The following KCNC1 variants were observed in gnomAD, a reference collection of about 807,000 sequenced individuals.
The protein encoded by KCNC1 is potassium voltage-gated channel subfamily C member 1, also known as voltage-gated potassium channel KCNC1.
In KCNC1, 8 loss-of-function variants were observed where a neutral mutation model predicts 43.4. That is an observed-to-expected ratio of 0.18 (90% CI 0.11 to 0.33). The LOEUF (loss-of-function observed/expected upper bound fraction) is 0.33, where lower values mean the gene tolerates loss of function less well. KCNC1 is among the 10% of genes least tolerant of loss of function. KCNC1 has a pLI of 1.00. For synonymous variants in KCNC1, 361 were observed against 360.5 expected, an observed-to-expected ratio of 1.00 and a Z score of -0.01; for missense variants, 420 against 836.0, an observed-to-expected ratio of 0.50 and a Z score of 6.14.
Position 17,777,139 on chromosome 11 carries a change from C to T in KCNC1, c.1505-2317C>T, listed in dbSNP as rs2133808888. The T allele has an allele frequency of 2.0e-6, 2 of 984,644 alleles. No individual in the cohort carries two copies. Among genetic ancestry groups the T allele is most frequent in the Non-Finnish European group, 2.4e-6 (2 of 829,648 alleles). The allele number at this position is 984,644 out of a possible 1,614,324, so 61.0% of individuals were successfully genotyped here. The stretch of plus-strand genomic sequence containing the variant: ...TTAGTGATTGTGAGAGCTGGGAGCC[C>T]CCAGGGCCTGGGGGCTTGTGGACAG... On this transcript the variant is annotated intron_variant, in intron 2 of 3. Coordinates refer to ENST00000265969, the MANE Select transcript of KCNC1 (RefSeq NM_001112741.2). The surrounding 1 kb of genome is among the most constrained non-coding windows in gnomAD (Gnocchi z 4.3).
At chr11:17,759,833 T>A (rs1849058589) in intron 1 of KCNC1, among the ~76,000 whole-genome samples, 1 of 152,096 alleles carries the variant, frequency 6.6e-6, no homozygotes, top group African/African-American at 2.4e-5. Context: ...TAATGACAAT[T>A]TGAAATATTG....
rs1350822011 is a variant in KCNC1, at chr11:17,771,958, C to T, written c.864C>T (p.Pro288=). ...TCATTGACTTTGTGGCCATCCTGCCCTTCTACCTGGAGGTGGGGCTGAGCG... is the reference window on the plus strand; with the variant it reads ...TCATTGACTTTGTGGCCATCCTGCCTTTCTACCTGGAGGTGGGGCTGAGCG... ...LNIIDFVAIL[P]FYLEVGLSGL... Residue 288 remains proline, a synonymous_variant, in exon 2 of 4, where the codon CCC becomes CCT. Transcript: ENST00000265969. This position sits in a 1 kb window ranked among gnomAD's most constrained non-coding sequence, Gnocchi z 4.7. 1 of 1,614,244 alleles carries T rather than the reference C, an allele frequency of 6.2e-7. No individual in the cohort carries two copies. The highest frequency in any genetic ancestry group is 1.7e-5 in the Admixed American group (1 of 60,034).
At chr11:17,749,058 C>T (rs892623801) in intron 1 of KCNC1, among the ~76,000 whole-genome samples, 9 of 152,266 alleles carry the variant, frequency 5.9e-5, no homozygotes, top group Middle Eastern at 3.4e-3. Flanking sequence ...GCAGGTGTGC[C>T]GGGAGAAGAT....
rs1849222529 is a variant in KCNC1, at chr11:17,771,211, C to G, written c.571-454C>G. Among the ~76,000 whole-genome samples the G allele has an allele frequency of 1.3e-5, 2 of 150,642 alleles. No homozygotes were observed. Among genetic ancestry groups the G allele is most frequent in the Non-Finnish European group, 3.0e-5 (2 of 67,716 alleles). ...GGGCTTCATTCCACTCTAGCTGCCC[C>G]CTCTTATTTCTTTGCAAACTTCAGC... On this transcript the variant is annotated intron_variant, in intron 1 of 3. Coordinates refer to ENST00000265969, the MANE Select transcript of KCNC1 (RefSeq NM_001112741.2). The surrounding 1 kb of genome is among the most constrained non-coding windows in gnomAD (Gnocchi z 4.7).
chr11:17,780,014 C>A, intron 3 of KCNC1: 1 of 176,226 alleles, frequency 5.7e-6, no homozygotes, highest in Non-Finnish European at 1.2e-5. Flanking sequence ...AGTGATCTCT[C>A]CTCTCCCCTG....
At chr11:17,759,739 G>A (rs530730567) in intron 1 of KCNC1, among the ~76,000 whole-genome samples, 9 of 152,216 alleles carry the variant, frequency 5.9e-5, no homozygotes, top group East Asian at 1.9e-4. Flanking sequence ...CATCTTATAC[G>A]GGTGTGATTT....
chr11:17,775,537 C>G (rs1168076407), intron 2 of KCNC1: 1 of 985,428 alleles, frequency 1.0e-6, no homozygotes, highest in African/African-American at 1.7e-5. Flanking sequence ...CCAGGGATTG[C>G]CTAGGGCTGA....
rs1169987617 is a variant in KCNC1, at chr11:17,777,894, C to T, written c.1505-1562C>T. On this transcript the variant is annotated intron_variant, in intron 2 of 3. Transcript: ENST00000265969. The surrounding 1 kb of genome is among the most constrained non-coding windows in gnomAD (Gnocchi z 4.3). ...CGGTAATCCCACCCACGTGCACGCC[C>T]AGCGTGTGCACGTGGGGAAGGATCA... 7 of 970,548 alleles carry T rather than the reference C, an allele frequency of 7.2e-6. No homozygotes were observed. In the African/African-American group the frequency reaches 1.2e-4, roughly 17 times the overall value. The allele number at this position is 970,548 out of a possible 1,614,324, so 60.1% of individuals were successfully genotyped here.
intron 2 of KCNC1, among the ~76,000 whole-genome samples, chr11:17,778,696 G>A (rs1313261383): frequency 6.6e-6 from 1 of 152,224 alleles, no homozygotes; most frequent in Non-Finnish European, 1.5e-5. Context: ...GTGTGACCAG[G>A]ACTGGTCTGT....
At chr11:17,749,421 G>A (rs1028507271) in intron 1 of KCNC1, among the ~76,000 whole-genome samples, 4 of 152,230 alleles carry the variant, frequency 2.6e-5, no homozygotes, top group Admixed American at 2.6e-4. Context: ...GGGAGGCTTC[G>A]ATGGGGACCC....
At chr11:17,757,821 CA>C (rs1186745103) in intron 1 of KCNC1, among the ~76,000 whole-genome samples, 1 of 152,212 alleles carries the variant, frequency 6.6e-6, no homozygotes, top group East Asian at 1.9e-4. Flanking sequence ...AAAATGCTAA[CA>C]ATCATATGAG....
At chr11:17,758,501 G>C (rs1849044670) in intron 1 of KCNC1, among the ~76,000 whole-genome samples, 2 of 152,184 alleles carry the variant, frequency 1.3e-5, no homozygotes, top group Non-Finnish European at 2.9e-5. Flanking sequence ...ACTTTGCACA[G>C]ATTGATCAGA....
rs1477737767 is a variant in KCNC1, at chr11:17,746,086, G to T, written c.570+9514G>T. Among the ~76,000 whole-genome samples the T allele has an allele frequency of 3.3e-5, 5 of 152,306 alleles. No homozygotes were observed. The East Asian group carries it at 9.7e-4, about 29-fold the overall frequency. ...AAAGAATAAGCAAGTAGGGTTCAAGGCCGAGGGCAGACATGGGCACCGTGC... is the reference window on the plus strand; with the variant it reads ...AAAGAATAAGCAAGTAGGGTTCAAGTCCGAGGGCAGACATGGGCACCGTGC... On this transcript the variant is annotated intron_variant, in intron 1 of 3. Coordinates refer to ENST00000265969, the MANE Select transcript of KCNC1 (RefSeq NM_001112741.2).
chr11:17,735,839 C>T lies in KCNC1; in HGVS notation c.-164C>T, dbSNP rs1251920636. On this transcript the variant is annotated 5_prime_UTR_variant, in exon 1 of 4. Coordinates refer to ENST00000265969, the MANE Select transcript of KCNC1 (RefSeq NM_001112741.2). The surrounding 1 kb of genome is among the most constrained non-coding windows in gnomAD (Gnocchi z 6.7). ...GCACCCGACAAAGCGCCCGGAGAGGCTTGGCTCGCTCGTTGGGGTGGCCAG... is the reference window on the plus strand; with the variant it reads ...GCACCCGACAAAGCGCCCGGAGAGGTTTGGCTCGCTCGTTGGGGTGGCCAG... 8 of 756,910 alleles carry T rather than the reference C, an allele frequency of 1.1e-5. No homozygotes were observed. Among genetic ancestry groups the T allele is most frequent in the African/African-American group, 1.9e-5 (1 of 53,238 alleles). The allele number at this position is 756,910 out of a possible 1,614,324, so 46.9% of individuals were successfully genotyped here. A position where few individuals can be genotyped will look rare whatever the true frequency, so the allele number is the denominator to read the frequency against.
intron 1 of KCNC1, among the ~76,000 whole-genome samples, chr11:17,747,126 TG>T (rs1848909067): frequency 6.6e-6 from 1 of 152,152 alleles, no homozygotes; most frequent in Non-Finnish European, 1.5e-5. Flanking sequence ...TCACCTACCG[TG>T]GTCCCTGGGG....
At chr11:17,754,747 G>T (rs1260184109) in intron 1 of KCNC1, among the ~76,000 whole-genome samples, 2 of 152,194 alleles carry the variant, frequency 1.3e-5, no homozygotes, top group African/African-American at 2.4e-5. Flanking sequence ...TTACATTCTA[G>T]AGGGGGAAGA....
intron 2 of KCNC1, chr11:17,775,239 C>T: frequency 1.0e-6 from 1 of 985,618 alleles, no homozygotes; most frequent in Non-Finnish European, 1.2e-6. Flanking sequence ...CTTTTAAAAC[C>T]AGAGTTAGGG....
intron 1 of KCNC1, among the ~76,000 whole-genome samples, chr11:17,754,915 A>G (rs1426513986): frequency 1.3e-5 from 2 of 152,056 alleles, no homozygotes; most frequent in Admixed American, 1.3e-4. Flanking sequence ...CTAAACCTCA[A>G]TTTTCTTATT....
intron 1 of KCNC1, among the ~76,000 whole-genome samples, chr11:17,766,926 C>G (rs968852410): frequency 6.7e-6 from 1 of 148,884 alleles, no homozygotes; most frequent in African/African-American, 2.5e-5. Context: ...TCAAGACCAG[C>G]CTGACCAACA....
Sources: gnomAD v4.1 joint callset for allele counts (sites outside exome capture counted in the v4.1 genomes callset) on GRCh38, gnomAD v4.1.1 for gene constraint, Gnocchi (gnomAD v3.1) non-coding constraint, MANE v1.5 for transcripts, NCBI Gene and HGNC (gene_info 2026-07-23, HGNC 2026-07-21) for gene names.